The following LPIN1 variants were observed in gnomAD, a reference collection of about 807,000 sequenced individuals.
LPIN1 encodes the protein lipin 1.
LPIN1 carries 71 observed loss-of-function variants against 107.5 expected under a neutral mutation model. That is an observed-to-expected ratio of 0.66 (90% confidence interval 0.55 to 0.80). LPIN1 has a LOEUF of 0.80. LPIN1 is among the 30% of genes least tolerant of loss of function. The pLI is 0.00. For synonymous variants in LPIN1, 445 were observed against 452.6 expected, an observed-to-expected ratio of 0.98 and a Z score of 0.21; for missense variants, 1,043 against 1,160.6, an observed-to-expected ratio of 0.90 and a Z score of 1.47.
At chr2:11,714,694 G>A (rs145601960) in intron 2 of LPIN1, among the ~76,000 whole-genome samples, 50 of 152,318 alleles carry the variant, frequency 3.3e-4, no homozygotes, top group Non-Finnish European at 6.3e-4. Flanking sequence ...TTCCAGAGGG[G>A]CTGTGGAATG....
chr2:11,760,132 C>T (rs1211927523), intron 1 of LPIN1, among the ~76,000 whole-genome samples: 1 of 151,316 alleles, frequency 6.6e-6, no homozygotes, highest in Non-Finnish European at 1.5e-5. Flanking sequence ...GGCGGCCGGG[C>T]AGAGATGCTC....
chr2:11,735,335 G>C (rs1367494366), intron 1 of LPIN1, among the ~76,000 whole-genome samples: 2 of 151,996 alleles, frequency 1.3e-5, no homozygotes, highest in Non-Finnish European at 2.9e-5. Flanking sequence ...CCCTTGGAGG[G>C]GGATAATGTT....
At chr2:11,805,474 G>A in intron 17 of LPIN1, 1 of 474,310 alleles carries the variant, frequency 2.1e-6, no homozygotes, top group Non-Finnish European at 3.9e-6. Flanking sequence ...GAGGTAGCCA[G>A]TTGAAGAAAT....
intron 1 of LPIN1, among the ~76,000 whole-genome samples, chr2:11,703,239 A>T (rs553235981): frequency 6.6e-6 from 1 of 152,276 alleles, no homozygotes; most frequent in East Asian, 1.9e-4. Flanking sequence ...CATAACACTT[A>T]CTTCTAACCC....
rs994940268 is a variant in LPIN1, at chr2:11,786,765, C to G, written c.1550-309C>G. Among the ~76,000 whole-genome samples the G allele has an allele frequency of 6.6e-6, 1 of 152,230 alleles. No individual in the cohort carries two copies. The highest frequency in any genetic ancestry group is 2.4e-5 in the African/African-American group (1 of 41,460). On this transcript the variant is annotated intron_variant, in intron 10 of 20. Coordinates refer to ENST00000674199, the MANE Select transcript of LPIN1 (RefSeq NM_001349206.2). The surrounding 1 kb of genome is among the most constrained non-coding windows in gnomAD (Gnocchi z 4.1). ...GCTTCTGCGCCATGCGTAGCCATGA[C>G]TCTGCCTGTGCAGATGCACGTGTGT...
At chr2:11,729,886 G>A (rs1467687052) in intron 1 of LPIN1, among the ~76,000 whole-genome samples, 1 of 152,034 alleles carries the variant, frequency 6.6e-6, no homozygotes, top group East Asian at 1.9e-4. Flanking sequence ...GTGTGTGCAT[G>A]TGTGAGTGTG....
chr2:11,814,321 G>A (rs1680193137), intron 17 of LPIN1, among the ~76,000 whole-genome samples: 1 of 152,290 alleles, frequency 6.6e-6, no homozygotes, highest in Middle Eastern at 3.4e-3. Context: ...GGGCATCAGG[G>A]TGACCTGTGC....
chr2:11,731,731 A>C (rs917487477), intron 1 of LPIN1, among the ~76,000 whole-genome samples: 1 of 151,996 alleles, frequency 6.6e-6, no homozygotes, highest in Non-Finnish European at 1.5e-5. Context: ...GCCAGCATCT[A>C]TTGTTTCCTG....
At position 11,693,816 on chromosome 2, in the gene LPIN1, ATATATATTTTTT is replaced by A. The variant is rs1433938268; in HGVS notation, c.81+16090_81+16101del. On this transcript the variant is annotated intron_variant, in intron 1 of 21. Coordinates refer to the LPIN1 transcript ENST00000449576. The stretch of plus-strand genomic sequence containing the variant: ...TATATATATATATATATATATATAT[ATATATATTTTTT>A]TTTTTTTTTTTTTTTTTTTTTTTTG... Among the ~76,000 whole-genome samples the A allele has an allele frequency of 1.0e-4, 3 of 29,506 alleles. 1 individual carries two copies. Among genetic ancestry groups the A allele is most frequent in the East Asian group, 1.2e-3 (1 of 850 alleles). 19.4% of individuals were successfully genotyped at this position (29,506 alleles called of 152,430 possible).
chr2:11,706,422 G>C (rs57182133), intron 1 of LPIN1, among the ~76,000 whole-genome samples: 2 of 152,170 alleles, frequency 1.3e-5, no homozygotes, highest in African/African-American at 4.8e-5. Context: ...TGGAATTAAG[G>C]TTACTCATCA....
At chr2:11,785,197 A>G in intron 10 of LPIN1, 121 bp downstream of exon 10, 1 of 734,962 alleles carries the variant, frequency 1.4e-6, no homozygotes, top group East Asian at 2.7e-5. Context: ...TAATGATAGC[A>G]CAGATGATAG....
intron 1 of LPIN1, among the ~76,000 whole-genome samples, chr2:11,747,699 A>G (rs961877117): frequency 2.0e-5 from 3 of 152,224 alleles, no homozygotes; most frequent in African/African-American, 7.2e-5. Context: ...TGAGGAATGT[A>G]TAGTATTTGA....
upstream of LPIN1, among the ~76,000 whole-genome samples, chr2:11,723,321 A>G (rs1558752927): frequency 6.6e-6 from 1 of 152,184 alleles, no homozygotes; most frequent in Non-Finnish European, 1.5e-5. Context: ...AAGTCTTGCT[A>G]ATGAGAAGAA....
rs994431274 is a variant in LPIN1, at chr2:11,677,799, C to T, written c.81+71C>T. 1.3e-5 allele frequency: 17 copies of T among 1,300,576 alleles called. No homozygotes were observed. The Admixed American group carries it at 1.6e-4, about 12-fold the overall frequency. 80.6% of individuals were successfully genotyped at this position (1,300,576 alleles called of 1,614,324 possible). ...TCCTCCTTCCATCCCCAGGTGCCCG[C>T]GTACTGATGGGACCCGGGGAACATT... On this transcript the variant is annotated intron_variant, in intron 1 of 21. Coordinates refer to the LPIN1 transcript ENST00000449576.
At chr2:11,727,061 TC>T (rs1480460329) in intron 1 of LPIN1, among the ~76,000 whole-genome samples, 1 of 152,258 alleles carries the variant, frequency 6.6e-6, no homozygotes, top group Non-Finnish European at 1.5e-5. Context: ...TCCCAGGTTT[TC>T]TACTGTAATT....
chr2:11,738,137 G>A lies in LPIN1; in HGVS notation c.-71-3212G>A, dbSNP rs183745549. ...ATTCTCAGCAAACTAACACAGGAACGGAAAACCAAACACCGCATGTTCTCA... is the reference window on the plus strand; with the variant it reads ...ATTCTCAGCAAACTAACACAGGAACAGAAAACCAAACACCGCATGTTCTCA... On this transcript the variant is annotated intron_variant, in intron 1 of 21. Coordinates refer to the LPIN1 transcript ENST00000396097. Among the ~76,000 whole-genome samples the A allele has an allele frequency of 9.3e-4, 142 of 152,014 alleles. 5 individuals are homozygous for A. The East Asian group carries it at 0.026, about 28-fold the overall frequency.
chr2:11,811,798 G>T (rs1231554867), intron 17 of LPIN1, among the ~76,000 whole-genome samples: 2 of 152,118 alleles, frequency 1.3e-5, no homozygotes, highest in Non-Finnish European at 2.9e-5. Context: ...CATCCTGGCC[G>T]ACATGATGAA....
upstream of LPIN1, chr2:11,721,819 A>C (rs1437087399): frequency 6.6e-6 from 1 of 152,382 alleles, no homozygotes; most frequent in Non-Finnish European, 1.5e-5. Context: ...CAAACCTCCA[A>C]ATGTGGAGAG....
chr2:11,739,334 A>T (rs62113302), intron 1 of LPIN1, among the ~76,000 whole-genome samples: 10,437 of 152,316 alleles, frequency 0.069, 511 homozygotes, highest in Middle Eastern at 0.16. Flanking sequence ...AGAGAGCTTG[A>T]GTTAGAGCCA....
Sources: gnomAD v4.1 joint callset for allele counts (sites outside exome capture counted in the v4.1 genomes callset) on GRCh38, gnomAD v4.1.1 for gene constraint, Gnocchi (gnomAD v3.1) non-coding constraint, MANE v1.5 for transcripts, NCBI Gene and HGNC (gene_info 2026-07-23, HGNC 2026-07-21) for gene names.